The following PRKCH variants were observed in gnomAD, a reference collection of about 807,000 sequenced individuals.
PRKCH encodes the protein protein kinase C eta, also known as protein kinase C eta type.
PRKCH carries 28 observed loss-of-function variants against 82.5 expected under a neutral mutation model. The ratio of observed to expected loss-of-function variants is 0.34; its 90% confidence interval spans 0.25 to 0.47. The LOEUF is 0.47. PRKCH is among the 20% of genes least tolerant of loss of function. The pLI is 1.00. For synonymous variants in PRKCH, 322 were observed against 327.4 expected, an observed-to-expected ratio of 0.98 and a Z score of 0.18; for missense variants, 705 against 881.8, an observed-to-expected ratio of 0.80 and a Z score of 2.54.
At chr14:61,268,993 A>G (rs2045128127) in intron 1 of PRKCH, among the ~76,000 whole-genome samples, 1 of 152,208 alleles carries the variant, frequency 6.6e-6, no homozygotes, top group African/African-American at 2.4e-5. Context: ...TATAGTTTCA[A>G]ATATAAAAAG....
intron 10 of PRKCH, among the ~76,000 whole-genome samples, chr14:61,520,208 AC>A (rs1301706663): frequency 2.6e-5 from 4 of 152,140 alleles, no homozygotes; most frequent in Non-Finnish European, 2.9e-5. Flanking sequence ...AATAAAAATC[AC>A]CCATAAACAT....
intron 1 of PRKCH, among the ~76,000 whole-genome samples, chr14:61,271,037 C>A (rs1397481762): frequency 6.6e-6 from 1 of 152,130 alleles, no homozygotes; most frequent in East Asian, 1.9e-4. Context: ...TCCCTGGCAA[C>A]CTTTTCATCA....
intron 2 of PRKCH, among the ~76,000 whole-genome samples, chr14:61,431,820 G>A (rs1156848079): frequency 6.6e-6 from 1 of 152,098 alleles, no homozygotes; most frequent in African/African-American, 2.4e-5. Context: ...TTCTTTTACA[G>A]TGTATTTTAT....
rs141663755 is a variant in PRKCH, at chr14:61,480,796, G to C, written c.1279-4706G>C. 1.2e-4 allele frequency among the ~76,000 whole-genome samples: 19 copies of C among 152,310 alleles called. No homozygotes were observed. The East Asian group carries it at 3.7e-3, about 29-fold the overall frequency. The stretch of plus-strand genomic sequence containing the variant: ...TCTGCATTTCATTTTGAAAACAGCA[G>C]TACAGTTACAGCGAAGCCTCACACT... On this transcript the variant is annotated intron_variant, in intron 9 of 13. Coordinates refer to ENST00000332981, the MANE Select transcript of PRKCH (RefSeq NM_006255.5).
In PRKCH at chr14:61,427,738, C is replaced by T. The variant is rs1205462501; in HGVS notation, c.428-15373C>T. Among the ~76,000 whole-genome samples the T allele has an allele frequency of 2.8e-4, 42 of 151,988 alleles. 1 individual carries two copies. The highest frequency in any genetic ancestry group is 2.8e-3 in the Admixed American group (42 of 15,246). On this transcript the variant is annotated intron_variant, in intron 2 of 13. Transcript: ENST00000332981. Reference sequence around the variant, plus strand: ...AGTAGCTGGGACTACAGGCATGCACCACCATGCCCAGCTAATTTTTGTATT... The same window carrying T: ...AGTAGCTGGGACTACAGGCATGCACTACCATGCCCAGCTAATTTTTGTATT...
At chr14:61,426,491 G>A (rs1047037704) in intron 2 of PRKCH, among the ~76,000 whole-genome samples, 1 of 152,182 alleles carries the variant, frequency 6.6e-6, no homozygotes, top group African/African-American at 2.4e-5. Flanking sequence ...ACAAAATTCA[G>A]TAGGAATGTT....
chr14:61,205,794 G>A (rs987205650), intron 1 of PRKCH, among the ~76,000 whole-genome samples: 2 of 152,162 alleles, frequency 1.3e-5, no homozygotes, highest in East Asian at 1.9e-4. Flanking sequence ...TTCCTTGGTC[G>A]GGAGATTCTG....
At chr14:61,353,763 G>A (rs1360925971) in intron 1 of PRKCH, 3 of 151,838 alleles carry the variant, frequency 2.0e-5, no homozygotes, top group Non-Finnish European at 4.4e-5. Context: ...AGACCCCATC[G>A]CTACAAAAAA....
At chr14:61,436,485 A>T (rs1422007292) in intron 2 of PRKCH, among the ~76,000 whole-genome samples, 1 of 152,196 alleles carries the variant, frequency 6.6e-6, no homozygotes, top group Non-Finnish European at 1.5e-5. Flanking sequence ...AAAAACACAG[A>T]GGATTCTGTA....
At chr14:61,282,362 T>C (rs544676439) in intron 1 of PRKCH, among the ~76,000 whole-genome samples, 36 of 151,892 alleles carry the variant, frequency 2.4e-4, no homozygotes, top group African/African-American at 8.2e-4. Context: ...AAATCTTCCC[T>C]AGGTATTGTG....
chr14:61,413,413 C>A (rs10151940), intron 2 of PRKCH, among the ~76,000 whole-genome samples: 1 of 60,600 alleles, frequency 1.7e-5, no homozygotes, highest in Non-Finnish European at 3.3e-5. Context: ...GCCCCCCCCC[C>A]GCCCCGCCCA....
intron 1 of PRKCH, among the ~76,000 whole-genome samples, chr14:61,192,389 T>C (rs1320853900): frequency 2.0e-5 from 3 of 152,258 alleles, no homozygotes; most frequent in African/African-American, 4.8e-5. Flanking sequence ...GTGTTCATTC[T>C]GAAAAGTTAT....
intron 10 of PRKCH, among the ~76,000 whole-genome samples, chr14:61,505,055 A>G (rs1446933034): frequency 6.6e-6 from 1 of 152,202 alleles, no homozygotes; most frequent in African/African-American, 2.4e-5. Flanking sequence ...ATGGAAGGAA[A>G]TAAGTGAGCT....
At chr14:61,443,974 CAGTT>C (rs1470824156) in intron 3 of PRKCH, among the ~76,000 whole-genome samples, 1 of 152,182 alleles carries the variant, frequency 6.6e-6, no homozygotes, top group Non-Finnish European at 1.5e-5. Flanking sequence ...GGAGAAAACA[CAGTT>C]TGGTAGCGTG....
chr14:61,373,219 T>A (rs190865110), intron 1 of PRKCH, among the ~76,000 whole-genome samples: 20 of 151,408 alleles, frequency 1.3e-4, no homozygotes, highest in Admixed American at 8.5e-4. Context: ...AAGAAAGAGG[T>A]TTAATGGACT....
intron 10 of PRKCH, among the ~76,000 whole-genome samples, chr14:61,519,706 C>T (rs1323348880): frequency 6.6e-6 from 1 of 152,120 alleles, no homozygotes; most frequent in Non-Finnish European, 1.5e-5. Context: ...GGAGAAATGG[C>T]ATAGGGACCT....
intron 1 of PRKCH, among the ~76,000 whole-genome samples, chr14:61,352,449 G>A (rs1259514968): frequency 6.6e-6 from 1 of 151,994 alleles, no homozygotes; most frequent in Non-Finnish European, 1.5e-5. Context: ...GATCATTTGA[G>A]GGCAGGGGTT....
intron 10 of PRKCH, among the ~76,000 whole-genome samples, chr14:61,506,201 A>G (rs1241539408): frequency 6.6e-6 from 1 of 152,208 alleles, no homozygotes; most frequent in Non-Finnish European, 1.5e-5. Flanking sequence ...ATTCCTACGC[A>G]GTTTGGATGA....
intron 9 of PRKCH, among the ~76,000 whole-genome samples, chr14:61,468,740 A>G (rs2140308968): frequency 6.6e-6 from 1 of 152,282 alleles, no homozygotes; most frequent in South Asian, 2.1e-4. Context: ...CATCATTATC[A>G]CTGACAACCT....
Sources: allele counts gnomAD v4.1 joint callset (sites outside exome capture counted in the v4.1 genomes callset), GRCh38; gene constraint gnomAD v4.1.1; transcripts MANE v1.5; gene names NCBI Gene and HGNC (gene_info 2026-07-23, HGNC 2026-07-21).